ZNF471: variants seen among roughly 807,000 people sequenced by gnomAD.
ZNF471 encodes zinc finger protein 471.
ZNF471 carries 7 observed loss-of-function variants against 13.7 expected under a neutral mutation model. The ratio of observed to expected loss-of-function variants is 0.51; its 90% confidence interval spans 0.29 to 0.96. ZNF471 has a LOEUF of 0.96. Ranked by LOEUF, ZNF471 falls within the 40% of genes least tolerant of loss-of-function variation. The pLI is 0.08. For missense variants in ZNF471, 663 were observed against 743.3 expected (o/e 0.89, Z 1.26); for synonymous variants, 218 against 235.6 (o/e 0.93, Z 0.68).
In ZNF471 at chr19:56,515,865, A is replaced by C. The variant is rs141837908; in HGVS notation, c.34-410A>C. ...GCAGACCTAAGAAAATTGCATTCTTAAACATGTTTTTATTATTTAAGAAAA... is the reference window on the plus strand; with the variant it reads ...GCAGACCTAAGAAAATTGCATTCTTCAACATGTTTTTATTATTTAAGAAAA... On this transcript the variant is annotated intron_variant, in intron 2 of 4. Coordinates refer to ENST00000308031, the MANE Select transcript of ZNF471 (RefSeq NM_020813.4). Among the ~76,000 whole-genome samples the C allele has an allele frequency of 3.7e-4, 57 of 152,326 alleles. No individual in the cohort carries two copies. In the East Asian group the frequency reaches 0.01, roughly 27 times the overall value.
In ZNF471 at chr19:56,525,390, C is replaced by T; in HGVS notation, c.1323C>T (p.Ser441=). The change falls in exon 5 of 5, where the codon AGC becomes AGT. Residue 441 remains serine (S), a synonymous_variant. Coordinates refer to ENST00000308031, the MANE Select transcript of ZNF471 (RefSeq NM_020813.4). Reference sequence around the variant, plus strand: ...GTGATATATGTGGGAAAGATTTTAGCCATCATGCATCACTCACTCAGCATC... The same window carrying T: ...GTGATATATGTGGGAAAGATTTTAGTCATCATGCATCACTCACTCAGCATC... ...YECDICGKDF[S]HHASLTQHQR... 6.2e-7 allele frequency: 1 copy of T among 1,613,880 alleles called. No homozygotes were observed. The highest frequency in any genetic ancestry group is 8.5e-7 in the Non-Finnish European group (1 of 1,179,946).
At chr19:56,513,455 T>C (rs562180961) in intron 2 of ZNF471, among the ~76,000 whole-genome samples, 15 of 152,072 alleles carry the variant, frequency 9.9e-5, no homozygotes, top group Non-Finnish European at 1.9e-4. Context: ...ATCACAATTA[T>C]ATACATAACT....
rs1243611014 is a variant in ZNF471, at chr19:56,528,386, A to C, written c.*2438A>C. ...CTTGAAAGCAGTATGGCAGTCATAA[A>C]AATTTTGGAACCAAAACAGTATCTT... is the stretch of plus-strand genomic sequence containing the variant. On this transcript the variant is annotated 3_prime_UTR_variant, in exon 5 of 5. Transcript: ENST00000308031. 6.6e-6 allele frequency: 1 copy of C among 151,634 alleles called. No homozygotes were observed. The highest frequency in any genetic ancestry group is 1.5e-5 in the Non-Finnish European group (1 of 67,976). The allele number at this position is 151,634 out of a possible 1,614,324, so 9.4% of individuals were successfully genotyped here.
Position 56,524,241 on chromosome 19 carries a change from T to G in ZNF471, c.257-83T>G. The G allele has an allele frequency of 9.7e-7, 1 of 1,034,100 alleles. No individual in the cohort carries two copies. The highest frequency in any genetic ancestry group is 1.4e-6 in the Non-Finnish European group (1 of 724,590). 64.1% of individuals were successfully genotyped at this position (1,034,100 alleles called of 1,614,324 possible). A position where few individuals can be genotyped will look rare whatever the true frequency, so the allele number is the denominator to read the frequency against. On this transcript the variant is annotated intron_variant, in intron 4 of 4. Coordinates refer to ENST00000308031, the MANE Select transcript of ZNF471 (RefSeq NM_020813.4). The surrounding 1 kb of genome is among the most constrained non-coding windows in gnomAD (Gnocchi z 4.8). Reference sequence around the variant, plus strand: ...CAGGTTTTGTGAGATTTATTAAATATTTTTAAATTACCTTTTTCACAATGT... The same window carrying G: ...CAGGTTTTGTGAGATTTATTAAATAGTTTTAAATTACCTTTTTCACAATGT...
At chr19:56,509,461 C>T (rs529386511) in intron 1 of ZNF471, among the ~76,000 whole-genome samples, 118 of 152,276 alleles carry the variant, frequency 7.7e-4, no homozygotes, top group African/African-American at 2.5e-3. Context: ...ATTAATTGAA[C>T]GCAAGGAGGG....
intron 1 of ZNF471, chr19:56,509,784 T>G: frequency 1.2e-6 from 1 of 863,468 alleles, no homozygotes; most frequent in Non-Finnish European, 1.4e-6. Flanking sequence ...CTTAGAACTG[T>G]TTTGTGTTGT....
In ZNF471 at chr19:56,527,566, C is replaced by A. The variant is rs201817908; in HGVS notation, c.*1618C>A. 1 of 152,084 alleles carries A rather than the reference C, an allele frequency of 6.6e-6. No individual in the cohort carries two copies. Among genetic ancestry groups the A allele is most frequent in the East Asian group, 1.9e-4 (1 of 5,192 alleles). 9.4% of individuals were successfully genotyped at this position (152,084 alleles called of 1,614,324 possible). On this transcript the variant is annotated 3_prime_UTR_variant, in exon 5 of 5. Coordinates refer to ENST00000308031, the MANE Select transcript of ZNF471 (RefSeq NM_020813.4). ...CATGTTCTAACCCAATGCAAGGAAGCTAAGAACCTTGAAAAAAGGTTAGAG... is the reference window on the plus strand; with the variant it reads ...CATGTTCTAACCCAATGCAAGGAAGATAAGAACCTTGAAAAAAGGTTAGAG...
rs747037456 is a variant in ZNF471, at chr19:56,524,703, C to CAA, written c.639_640dup (p.Thr214LysfsTer176). ...AGCTTTTTAAATGTAATGAATGTGACAAAACCTTCACCCATAGCTCATCCC... is the reference window on the plus strand; with the variant it reads ...AGCTTTTTAAATGTAATGAATGTGACAAAAAACCTTCACCCATAGCTCATCCC... On this transcript the variant is annotated frameshift_variant, in exon 5 of 5. Transcript: ENST00000308031. LOFTEE classifies it low-confidence loss of function (END_TRUNC). The surrounding 1 kb of genome is among the most constrained non-coding windows in gnomAD (Gnocchi z 4.8). The CAA allele has an allele frequency of 1.6e-4, 260 of 1,582,502 alleles. No homozygotes were observed. The highest frequency in any genetic ancestry group is 2.0e-4 in the Non-Finnish European group (237 of 1,170,488).
Position 56,527,479 on chromosome 19 carries a change from A to G in ZNF471, c.*1531A>G, listed in dbSNP as rs1318405342. On this transcript the variant is annotated 3_prime_UTR_variant, in exon 5 of 5. Coordinates refer to ENST00000308031, the MANE Select transcript of ZNF471 (RefSeq NM_020813.4). ...CAAAACTGGATAGAGAATGAGTTTGACAAATTGACAGAAGTAGGCTTCAGA... is the reference window on the plus strand; with the variant it reads ...CAAAACTGGATAGAGAATGAGTTTGGCAAATTGACAGAAGTAGGCTTCAGA... 1 of 152,218 alleles carries G rather than the reference A, an allele frequency of 6.6e-6. No individual in the cohort carries two copies. Among genetic ancestry groups the G allele is most frequent in the Non-Finnish European group, 1.5e-5 (1 of 68,042 alleles). The allele number at this position is 152,218 out of a possible 1,614,324, so 9.4% of individuals were successfully genotyped here. A position where few individuals can be genotyped will look rare whatever the true frequency, so the allele number is the denominator to read the frequency against.
intron 4 of ZNF471, among the ~76,000 whole-genome samples, chr19:56,521,955 T>C (rs1193995749): frequency 2.6e-5 from 4 of 152,116 alleles, no homozygotes; most frequent in Non-Finnish European, 5.9e-5. Context: ...AAAAAATATA[T>C]ATAAAATGTC....
Position 56,518,463 on chromosome 19 carries a change from GTC to G in ZNF471, c.161-17_161-16del. On this transcript the variant is annotated splice_polypyrimidine_tract_variant and intron_variant, in intron 3 of 4. Coordinates refer to ENST00000308031, the MANE Select transcript of ZNF471 (RefSeq NM_020813.4). ...AACCCAAAACATGACCAATTTTCATGTCTTTTTTTTATATGTAGGTCTTTGCA... is the reference window on the plus strand; with the variant it reads ...AACCCAAAACATGACCAATTTTCATGTTTTTTTTATATGTAGGTCTTTGCA... The G allele has an allele frequency of 1.2e-6, 2 of 1,602,036 alleles. No individual in the cohort carries two copies. Among genetic ancestry groups the G allele is most frequent in the Non-Finnish European group, 1.7e-6 (2 of 1,172,378 alleles).
rs2043800563 is a variant in ZNF471, at chr19:56,510,906, T to C, written c.-55-611T>C. On this transcript the variant is annotated intron_variant, in intron 1 of 4. Transcript: ENST00000308031. This position sits in a 1 kb window ranked among gnomAD's most constrained non-coding sequence, Gnocchi z 4.3. ...CACTTCTGTGTGACAGGAGGGTAAT[T>C]AAGGGGCTGGGACAGAGGTGAGAGT... 1.0e-6 allele frequency: 1 copy of C among 985,174 alleles called. No individual in the cohort carries two copies. 61.0% of individuals were successfully genotyped at this position (985,174 alleles called of 1,614,324 possible).
In ZNF471 at chr19:56,525,920, A is replaced by G. The variant is rs759829040; in HGVS notation, c.1853A>G (p.Gln618Arg). ...FRRKLSLICH[Q>R]RSHTGEEP ...AGAAAGTTATCCTTAATTTGTCATC[A>G]AAGAAGTCATACTGGAGAAGAACCT... Residue 618 changes from glutamine to arginine, a missense_variant, in exon 5 of 5, where the codon CAA (glutamine) becomes CGA (arginine). By Grantham distance (43) the Gln-to-Arg change is conservative. Transcript: ENST00000308031. 1 of 1,572,576 alleles carries G rather than the reference A, an allele frequency of 6.4e-7. No homozygotes were observed. The highest frequency in any genetic ancestry group is 1.4e-5 in the African/African-American group (1 of 73,072).
intron 1 of ZNF471, chr19:56,509,998 AC>A (rs1212999776): frequency 1.0e-6 from 1 of 985,296 alleles, no homozygotes; most frequent in African/African-American, 1.7e-5. Context: ...AAAGCAAGAG[AC>A]TAGACTGAGA....
At position 56,526,008 on chromosome 19, in the gene ZNF471, A is replaced by G. The variant is rs1340195537; in HGVS notation, c.*60A>G. ...ACCAATCCCCTACTGTTAATCAGAG[A>G]TGTCCCACTGGATAAAAAACATATA... On this transcript the variant is annotated 3_prime_UTR_variant, in exon 5 of 5. Coordinates refer to ENST00000308031, the MANE Select transcript of ZNF471 (RefSeq NM_020813.4). 4 of 1,449,236 alleles carry G rather than the reference A, an allele frequency of 2.8e-6. No homozygotes were observed. The highest frequency in any genetic ancestry group is 3.7e-6 in the Non-Finnish European group (4 of 1,080,954). 89.8% of individuals were successfully genotyped at this position (1,449,236 alleles called of 1,614,324 possible).
Position 56,524,378 on chromosome 19 carries a change from A to G in ZNF471, c.311A>G (p.Asp104Gly). The change falls in exon 5 of 5, where the codon GAT (aspartate) becomes GGT (glycine). Residue 104 changes from aspartate (D) to glycine (G), a missense_variant. Asp to Gly is a moderately conservative substitution (Grantham distance 94). Transcript: ENST00000308031. The surrounding 1 kb of genome is among the most constrained non-coding windows in gnomAD (Gnocchi z 4.8). ...TTACCTCTGAAGCAGTTCATGTATG[A>G]TGATGCATGCATGGAGGGAATTACT... ...QELPLKQFMY[D>G]DACMEGITSY... 6.2e-7 allele frequency: 1 copy of G among 1,606,846 alleles called. No individual in the cohort carries two copies. The highest frequency in any genetic ancestry group is 8.5e-7 in the Non-Finnish European group (1 of 1,177,838).
At position 56,529,655 on chromosome 19, in the gene ZNF471, T is replaced by C. The variant is rs2044086227; in HGVS notation, c.*3707T>C. On this transcript the variant is annotated 3_prime_UTR_variant, in exon 5 of 5. Coordinates refer to ENST00000308031, the MANE Select transcript of ZNF471 (RefSeq NM_020813.4). ...TCTTGCAGAGCATGTCAACAAAATT[T>C]ATTGGATGAAGAAATTAAAATGGTT... is the stretch of plus-strand genomic sequence containing the variant. 6.6e-6 allele frequency: 1 copy of C among 152,208 alleles called. No individual in the cohort carries two copies. Among genetic ancestry groups the C allele is most frequent in the South Asian group, 2.1e-4 (1 of 4,828 alleles). The allele number at this position is 152,208 out of a possible 1,614,324, so 9.4% of individuals were successfully genotyped here.
intron 1 of ZNF471, 65 bp downstream of exon 1, chr19:56,507,985 G>T: frequency 1.0e-6 from 1 of 986,046 alleles, no homozygotes. Flanking sequence ...GGCGAGGCGG[G>T]CGGCTCCGAC....
At chr19:56,517,119 T>G (rs937955493) in intron 3 of ZNF471, among the ~76,000 whole-genome samples, 7 of 151,552 alleles carry the variant, frequency 4.6e-5, no homozygotes, top group East Asian at 1.9e-4. Flanking sequence ...TTGTTCTGTT[T>G]TAATTTTAAT....
Sources: allele counts gnomAD v4.1 joint callset (sites outside exome capture counted in the v4.1 genomes callset), GRCh38; gene constraint gnomAD v4.1.1; non-coding constraint Gnocchi (gnomAD v3.1); transcripts MANE v1.5; gene names NCBI Gene and HGNC (gene_info 2026-07-23, HGNC 2026-07-21).